AKAP1: variants seen among roughly 807,000 people sequenced by gnomAD.
The protein encoded by AKAP1 is A-kinase anchor protein 1, mitochondrial.
Under a neutral mutation model 79.8 loss-of-function variants are expected in AKAP1, and 32 were observed. That is an observed-to-expected ratio of 0.40 (90% CI 0.30 to 0.54). The LOEUF (loss-of-function observed/expected upper bound fraction) is 0.54, where lower values mean the gene tolerates loss of function less well. AKAP1 is among the 20% of genes least tolerant of loss of function. The pLI is 0.47. For missense variants in AKAP1, 961 were observed against 1,138.9 expected, an observed-to-expected ratio of 0.84 and a Z score of 2.25; for synonymous variants, 416 against 466.7, an observed-to-expected ratio of 0.89 and a Z score of 1.40.
intron 1 of AKAP1, among the ~76,000 whole-genome samples, chr17:57,091,462 G>C (rs113669455): frequency 1.8e-4 from 27 of 152,162 alleles, no homozygotes; most frequent in Non-Finnish European, 3.5e-4. Context: ...GTGTGTGGAG[G>C]GGGTGGCTGC....
At chr17:57,093,518 G>A (rs946930100) in intron 1 of AKAP1, 1 of 152,136 alleles carries the variant, frequency 6.6e-6, no homozygotes, top group Non-Finnish European at 1.5e-5. Flanking sequence ...GGGCAGCTGG[G>A]GGTCTCTGAA....
chr17:57,106,029 A>G lies in AKAP1; in HGVS notation c.565A>G (p.Lys189Glu). The change falls in exon 2 of 11, where the codon AAG becomes GAG. Residue 189 changes from lysine (K) to glutamate (E), a missense_variant. Physicochemically the swap from Lys to Glu is moderately conservative, Grantham distance 56. This residue lies in a region of AKAP1 where 224 missense variants were observed against 210.2 expected (regional missense o/e 1.07). Coordinates refer to ENST00000337714, the MANE Select transcript of AKAP1 (RefSeq NM_003488.4). Reference sequence around the variant, plus strand: ...AGGCTACCCCGTAGTCCCCGCAGAGAAGCGTAGCTCTGGGGAGAGGGCAAG... The same window carrying G: ...AGGCTACCCCGTAGTCCCCGCAGAGGAGCGTAGCTCTGGGGAGAGGGCAAG... ...QPGYPVVPAE[K>E]RSSGERARET... 6.2e-7 allele frequency: 1 copy of G among 1,613,494 alleles called. No homozygotes were observed.
At position 57,105,640 on chromosome 17, in the gene AKAP1, C is replaced by T. The variant is rs1187137792; in HGVS notation, c.176C>T (p.Pro59Leu). The change falls in exon 2 of 11, where the codon CCC (proline) becomes CTC (leucine). Residue 59 changes from proline to leucine, a missense_variant. Coordinates refer to ENST00000337714, the MANE Select transcript of AKAP1 (RefSeq NM_003488.4). ...RADPAIKEPL[P>L]VEDVCPKVVS... is the part of the protein sequence containing the mutation. ...GACCCTGCCATCAAGGAACCTCTCC[C>T]CGTGGAAGACGTCTGTCCCAAAGTA... 8 of 1,614,014 alleles carry T rather than the reference C, an allele frequency of 5.0e-6. No homozygotes were observed. Among genetic ancestry groups the T allele is most frequent in the Non-Finnish European group, 6.8e-6 (8 of 1,180,018 alleles).
chr17:57,113,318 C>T (rs1021759277), intron 5 of AKAP1, among the ~76,000 whole-genome samples: 2 of 152,052 alleles, frequency 1.3e-5, no homozygotes, highest in African/African-American at 2.4e-5. Context: ...TGTGGGCCAA[C>T]GACTGTTGAC....
chr17:57,086,463 C>CCT lies in AKAP1; in HGVS notation c.-25+1069_-25+1070dup, dbSNP rs1255539709. On this transcript the variant is annotated intron_variant, in intron 1 of 10. Transcript: ENST00000337714. The surrounding 1 kb of genome is among the most constrained non-coding windows in gnomAD (Gnocchi z 5.1). The stretch of plus-strand genomic sequence containing the variant: ...GGAGCCCTGGGCGTTTCGGGATCTT[C>CCT]CTCTCCTGGGGGATGTCCTGGGTGG... The CCT allele has an allele frequency of 2.2e-6, 1 of 456,314 alleles. No individual in the cohort carries two copies. Among genetic ancestry groups the CCT allele is most frequent in the East Asian group, 7.0e-5 (1 of 14,360 alleles). 28.3% of individuals were successfully genotyped at this position (456,314 alleles called of 1,614,324 possible). A position where few individuals can be genotyped will look rare whatever the true frequency, so the allele number is the denominator to read the frequency against.
chr17:57,091,779 C>A (rs561614273), intron 1 of AKAP1, among the ~76,000 whole-genome samples: 1 of 152,026 alleles, frequency 6.6e-6, no homozygotes, highest in African/African-American at 2.4e-5. Flanking sequence ...GCCTTGAATT[C>A]CTGGGTTCAA....
chr17:57,099,891 G>A (rs557197101), intron 1 of AKAP1, among the ~76,000 whole-genome samples: 1 of 152,176 alleles, frequency 6.6e-6, no homozygotes, highest in Non-Finnish European at 1.5e-5. Flanking sequence ...GCAGAGGTGC[G>A]TGCTTTGAGT....
intron 1 of AKAP1, among the ~76,000 whole-genome samples, chr17:57,100,441 A>ACACG: frequency 6.7e-6 from 1 of 148,422 alleles, no homozygotes; most frequent in Non-Finnish European, 1.5e-5. Context: ...ACACACACAC[A>ACACG]CACACGCACA....
At chr17:57,102,173 C>T (rs375105309) in intron 1 of AKAP1, among the ~76,000 whole-genome samples, 3 of 152,292 alleles carry the variant, frequency 2.0e-5, no homozygotes, top group Admixed American at 6.5e-5. Flanking sequence ...TGGACTTCAG[C>T]GATCCTCCTG....
rs1237829198 is a variant in AKAP1, at chr17:57,118,980, A to G, written c.2575-2A>G. The G allele has an allele frequency of 6.2e-7, 1 of 1,613,176 alleles. No homozygotes were observed. Among genetic ancestry groups the G allele is most frequent in the Admixed American group, 1.7e-5 (1 of 60,014 alleles). On this transcript the variant is annotated splice_acceptor_variant, in intron 9 of 10. Transcript: ENST00000337714. LOFTEE classifies it high-confidence loss of function. ...ATTATTCTTTCCACCCCCCTTCTTC[A>G]GGTGACAAGTTACAGTCCAACTGGT...
chr17:57,120,210 A>G (rs1480379872), intron 10 of AKAP1, 40 bp from the exon 11 acceptor site: 2 of 1,587,564 alleles, frequency 1.3e-6, no homozygotes, highest in Admixed American at 3.5e-5. Flanking sequence ...TGGCCCCAGG[A>G]TGCCATGGAC....
intron 9 of AKAP1, 61 bp from the exon 10 acceptor site, chr17:57,118,921 A>T (rs907041177): frequency 6.4e-7 from 1 of 1,552,276 alleles, no homozygotes; most frequent in Non-Finnish European, 8.9e-7. Context: ...ACAATTCAAG[A>T]TGATATTTGA....
chr17:57,117,730 C>T (rs1220988076), intron 8 of AKAP1, among the ~76,000 whole-genome samples: 2 of 152,264 alleles, frequency 1.3e-5, no homozygotes, highest in East Asian at 3.9e-4. Flanking sequence ...CTGTCCAGAC[C>T]CAGCTGAAAC....
intron 1 of AKAP1, chr17:57,093,940 G>GT (rs1913935497): frequency 6.6e-6 from 1 of 152,072 alleles, no homozygotes; most frequent in South Asian, 2.1e-4. Flanking sequence ...GATAGCCCAA[G>GT]TTTTGGTCAA....
Position 57,086,663 on chromosome 17 carries a change from C to G in AKAP1, c.-25+1265C>G, listed in dbSNP as rs1437628123. The stretch of plus-strand genomic sequence containing the variant: ...TGTTTAGATTTGTCTCCAGTGAAAT[C>G]TAGGCTGCTGGACCTGGTGCAACAG... On this transcript the variant is annotated intron_variant, in intron 1 of 10. Coordinates refer to ENST00000337714, the MANE Select transcript of AKAP1 (RefSeq NM_003488.4). The surrounding 1 kb of genome is among the most constrained non-coding windows in gnomAD (Gnocchi z 5.1). The G allele has an allele frequency of 6.2e-6, 2 of 322,460 alleles. No homozygotes were observed. The highest frequency in any genetic ancestry group is 1.2e-5 in the Non-Finnish European group (2 of 163,350). The allele number at this position is 322,460 out of a possible 1,614,324, so 20.0% of individuals were successfully genotyped here.
At chr17:57,112,453 T>A in intron 4 of AKAP1, 38 bp from the exon 5 acceptor site, 1 of 1,602,634 alleles carries the variant, frequency 6.2e-7, no homozygotes, top group Non-Finnish European at 8.5e-7. Context: ...AGTTTCCTCT[T>A]ACAGTGATTG....
At chr17:57,118,101 C>T (rs1475883110) in intron 8 of AKAP1, among the ~76,000 whole-genome samples, 1 of 152,052 alleles carries the variant, frequency 6.6e-6, no homozygotes, top group Non-Finnish European at 1.5e-5. Context: ...GGTGCTGCTG[C>T]TGGTGGTATT....
Position 57,106,396 on chromosome 17 carries a change from A to T in AKAP1, c.932A>T (p.Asp311Val). Residue 311 changes from aspartate to valine, a missense_variant, in exon 2 of 11, where the codon GAT (aspartate) becomes GTT (valine). Physicochemically the swap from Asp to Val is radical, Grantham distance 152 (BLOSUM62 -3). Coordinates refer to ENST00000337714, the MANE Select transcript of AKAP1 (RefSeq NM_003488.4). Reference sequence around the variant, plus strand: ...GAACTGGGCAATGAGGAGAGCTTGGATAGAAATGAGGAGGGCTTGGATAGA... The same window carrying T: ...GAACTGGGCAATGAGGAGAGCTTGGTTAGAAATGAGGAGGGCTTGGATAGA... Reference protein sequence around the residue: ...EGELGNEESLDRNEEGLDRNE... With the variant: ...EGELGNEESLVRNEEGLDRNE... 7.1e-7 allele frequency: 1 copy of T among 1,410,424 alleles called. No homozygotes were observed. The highest frequency in any genetic ancestry group is 9.9e-7 in the Non-Finnish European group (1 of 1,012,434). The allele number at this position is 1,410,424 out of a possible 1,614,324, so 87.4% of individuals were successfully genotyped here. A position where few individuals can be genotyped will look rare whatever the true frequency, so the allele number is the denominator to read the frequency against.
In AKAP1 at chr17:57,086,181, C is replaced by T. The variant is rs1597952253; in HGVS notation, c.-25+783C>T. On this transcript the variant is annotated intron_variant, in intron 1 of 10. Coordinates refer to ENST00000337714, the MANE Select transcript of AKAP1 (RefSeq NM_003488.4). The surrounding 1 kb of genome is among the most constrained non-coding windows in gnomAD (Gnocchi z 5.1). ...CCTGGGGTGTCTGCCGACCTCACGC[C>T]CGGGGGCCCCGACGGTCACGTGTCC... 6.2e-6 allele frequency: 2 copies of T among 321,992 alleles called. No individual in the cohort carries two copies. Among genetic ancestry groups the T allele is most frequent in the African/African-American group, 4.5e-5 (2 of 44,042 alleles). 19.9% of individuals were successfully genotyped at this position (321,992 alleles called of 1,614,324 possible).
Sources: allele counts gnomAD v4.1 joint callset (sites outside exome capture counted in the v4.1 genomes callset), GRCh38; gene constraint gnomAD v4.1.1; regional missense constraint gnomAD v4.1.1; non-coding constraint Gnocchi (gnomAD v3.1); transcripts MANE v1.5; gene names NCBI Gene and HGNC (gene_info 2026-07-23, HGNC 2026-07-21).